Variants in ABCA13 observed in about 807,000 individuals in gnomAD.
ABCA13 encodes the protein ATP binding cassette subfamily A member 13.
A neutral mutation model predicts 478.7 loss-of-function variants in ABCA13; 476 were observed. The observed-to-expected ratio is 0.99, with a 90% confidence interval of 0.92 to 1.07. The LOEUF is 1.07. Ranked by LOEUF, ABCA13 falls within the 50% of genes least tolerant of loss-of-function variation. The pLI is 0.00. For synonymous variants in ABCA13, 2,252 were observed against 2,158.9 expected, an observed-to-expected ratio of 1.04 and a Z score of -1.20; for missense variants, 6,060 against 5,910.6, an observed-to-expected ratio of 1.03 and a Z score of -0.83.
chr7:48,601,150 TA>T (rs142327821), intron 58 of ABCA13, among the ~76,000 whole-genome samples: 5,585 of 150,686 alleles, frequency 0.037, 331 homozygotes, highest in African/African-American at 0.13. Context: ...TTAACTGATT[TA>T]TTTTTTTTAT....
intron 20 of ABCA13, among the ~76,000 whole-genome samples, chr7:48,293,417 C>T (rs116828028): frequency 4.9e-4 from 74 of 152,294 alleles, no homozygotes; most frequent in African/African-American, 1.6e-3. Flanking sequence ...AGTTTTACTT[C>T]GACAGAAATA....
rs867387658 is a variant in ABCA13 at position 48,272,298 on chromosome 7, C to T, written c.2632C>T (p.His878Tyr). 1 of 1,613,644 alleles carries T rather than the reference C, an allele frequency of 6.2e-7. No individual in the cohort carries two copies. Among genetic ancestry groups the T allele is most frequent in the East Asian group, 2.2e-5 (1 of 44,868 alleles). The change falls in exon 17 of 62, where the codon CAT becomes TAT. Residue 878 changes from histidine (H) to tyrosine (Y), a missense_variant. By Grantham distance (83) the His-to-Tyr change is moderately conservative (BLOSUM62 2). Around this residue, in one of 3 missense-constraint regions of ABCA13, gnomAD observed 4,423 missense variants for 4,309.1 expected, o/e 1.03. Transcript: ENST00000435803. ...AAGTTTTAACTTTTCCCAGTTGTTCCATTCAGATTGGCCTAAATCACCAGC... is the reference window on the plus strand; with the variant it reads ...AAGTTTTAACTTTTCCCAGTTGTTCTATTCAGATTGGCCTAAATCACCAGC... ...STSFNFSQLFHSDWPKSPAMN... is the reference protein window; with the variant it reads ...STSFNFSQLFYSDWPKSPAMN...
At chr7:48,435,310 A>G (rs1004082088) in intron 42 of ABCA13, among the ~76,000 whole-genome samples, 2 of 151,806 alleles carry the variant, frequency 1.3e-5, no homozygotes, top group Non-Finnish European at 3.0e-5. Context: ...CAGATTGTTC[A>G]TTGCTAATGG....
intron 12 of ABCA13, 72 bp downstream of exon 12, chr7:48,245,684 T>A: frequency 6.6e-7 from 1 of 1,510,634 alleles, no homozygotes; most frequent in Non-Finnish European, 9.0e-7. Context: ...AATATTCAGT[T>A]TTGCTCCTTT....
chr7:48,251,616 T>C (rs1270445319), intron 15 of ABCA13, among the ~76,000 whole-genome samples: 1 of 152,130 alleles, frequency 6.6e-6, no homozygotes, highest in Non-Finnish European at 1.5e-5. Context: ...CACAGAAATA[T>C]AACTAGTCTT....
chr7:48,536,526 T>G (rs1403634913), intron 55 of ABCA13, among the ~76,000 whole-genome samples: 1 of 151,922 alleles, frequency 6.6e-6, no homozygotes, highest in South Asian at 2.1e-4. Context: ...TGTGTGCCTG[T>G]AATCCCAGCT....
intron 45 of ABCA13, among the ~76,000 whole-genome samples, chr7:48,477,157 G>T (rs1469866645): frequency 2.6e-5 from 4 of 152,132 alleles, no homozygotes; most frequent in African/African-American, 9.7e-5. Flanking sequence ...AATACAGAGG[G>T]TGTATTTGGG....
intron 55 of ABCA13, among the ~76,000 whole-genome samples, chr7:48,554,364 G>T (rs888721648): frequency 2.6e-5 from 4 of 151,934 alleles, no homozygotes; most frequent in Non-Finnish European, 5.9e-5. Flanking sequence ...CTGTAAGAAT[G>T]CCATTGGTAT....
intron 27 of ABCA13, among the ~76,000 whole-genome samples, chr7:48,335,174 C>G (rs1806055740): frequency 6.6e-6 from 1 of 152,172 alleles, no homozygotes; most frequent in Non-Finnish European, 1.5e-5. Context: ...AGCAGTGACT[C>G]TAACACTGGC....
Position 48,194,504 on chromosome 7 carries a change from GCTT to G in ABCA13, c.163+1454_163+1456del, listed in dbSNP as rs1319175547. On this transcript the variant is annotated intron_variant, in intron 2 of 61. Transcript: ENST00000435803. ...TAAACTATTACTGGTAACTTCCTGT[GCTT>G]CAGGAAAATGGTCAGATGGACCATT... Among the ~76,000 whole-genome samples, 6 of 152,170 alleles carry G rather than the reference GCTT, an allele frequency of 3.9e-5. No individual in the cohort carries two copies. The South Asian group carries it at 6.2e-4, about 16-fold the overall frequency.
rs373563684 is a variant in ABCA13, at chr7:48,410,671, G to T, written c.12222G>T (p.Thr4074=). 6.2e-7 allele frequency: 1 copy of T among 1,612,726 alleles called. No homozygotes were observed. Among genetic ancestry groups the T allele is most frequent in the Admixed American group, 1.7e-5 (1 of 59,940 alleles). ...AYGQGLRLTL[T]RQPSVLEAHD... ...GCCAGGGGCTCCGCCTGACACTCAC[G>T]AGGCAGGTAAGGAGTGCAACCATTC... The change falls in exon 40 of 62, where the codon ACG becomes ACT. Residue 4074 remains threonine (T), a synonymous_variant. Coordinates refer to ENST00000435803, the MANE Select transcript of ABCA13 (RefSeq NM_152701.5).
rs1292648841 is a variant in ABCA13, at chr7:48,387,970, A to T, written c.11473+11A>T. The T allele has an allele frequency of 6.3e-7, 1 of 1,592,506 alleles. No homozygotes were observed. The highest frequency in any genetic ancestry group is 8.5e-7 in the Non-Finnish European group (1 of 1,173,614). ...ACTTTGACAATAAAGGTTTGTAAGG[A>T]GTAGAATTATTAGATGCATGTATTT... is the stretch of plus-strand genomic sequence containing the variant. On this transcript the variant is annotated intron_variant, in intron 36 of 61. Coordinates refer to ENST00000435803, the MANE Select transcript of ABCA13 (RefSeq NM_152701.5).
chr7:48,487,710 T>C (rs1287719011), intron 47 of ABCA13, among the ~76,000 whole-genome samples: 1 of 152,158 alleles, frequency 6.6e-6, no homozygotes, highest in Non-Finnish European at 1.5e-5. Context: ...TCTACCAGAT[T>C]AGCCTGTCCC....
intron 16 of ABCA13, among the ~76,000 whole-genome samples, chr7:48,270,367 A>C (rs1023176408): frequency 2.6e-5 from 4 of 151,940 alleles, no homozygotes; most frequent in African/African-American, 9.7e-5. Context: ...AAATTACTAA[A>C]GTAATATAAA....
intron 40 of ABCA13, among the ~76,000 whole-genome samples, chr7:48,410,981 T>TTCTC (rs1386665961): frequency 2.9e-5 from 1 of 34,800 alleles, no homozygotes; most frequent in Non-Finnish European, 5.9e-5. Flanking sequence ...TCTTTTCTCT[T>TTCTC]TCTTTCTTTC....
At chr7:48,347,195 A>G (rs952659213) in intron 29 of ABCA13, among the ~76,000 whole-genome samples, 23 of 152,218 alleles carry the variant, frequency 1.5e-4, no homozygotes, top group African/African-American at 5.5e-4. Flanking sequence ...AAAATCATGG[A>G]ATAAACATGA....
chr7:48,625,227 A>G (rs1160708318), intron 59 of ABCA13, among the ~76,000 whole-genome samples: 2 of 152,338 alleles, frequency 1.3e-5, no homozygotes, highest in East Asian at 1.9e-4. Context: ...TTGACTTAAT[A>G]TATCTATAAA....
intron 55 of ABCA13, among the ~76,000 whole-genome samples, chr7:48,554,822 T>TTTATTA (rs58085063): frequency 0.019 from 2,762 of 147,376 alleles, 67 homozygotes; most frequent in African/African-American, 0.061. Context: ...ATTATTATTA[T>TTTATTA]TTATTATTAT....
At chr7:48,589,637 C>A (rs1420373433) in intron 57 of ABCA13, among the ~76,000 whole-genome samples, 3 of 152,146 alleles carry the variant, frequency 2.0e-5, no homozygotes, top group Non-Finnish European at 4.4e-5. Flanking sequence ...TATCTACAGT[C>A]CCTCTCTTAG....
Sources: allele counts gnomAD v4.1 joint callset (sites outside exome capture counted in the v4.1 genomes callset), GRCh38; gene constraint gnomAD v4.1.1; regional missense constraint gnomAD v4.1.1; transcripts MANE v1.5; gene names NCBI Gene and HGNC (gene_info 2026-07-23, HGNC 2026-07-21).